KDM4C: variants seen among roughly 807,000 people sequenced by gnomAD.
The protein encoded by KDM4C is lysine-specific demethylase 4C.
A neutral mutation model predicts 129.3 loss-of-function variants in KDM4C; 81 were observed. The observed-to-expected ratio is 0.63, with a 90% confidence interval of 0.52 to 0.75. The LOEUF (loss-of-function observed/expected upper bound fraction) is 0.75. KDM4C is among the 30% of genes least tolerant of loss of function. The pLI, the probability that KDM4C is intolerant of heterozygous loss-of-function variation, is 0.00. For synonymous variants in KDM4C, 573 were observed against 456.1 expected, an observed-to-expected ratio of 1.26 and a Z score of -3.26; for missense variants, 1,457 against 1,304.0, an observed-to-expected ratio of 1.12 and a Z score of -1.81.
At chr9:7,041,006 A>G (rs1575451) in intron 15 of KDM4C, among the ~76,000 whole-genome samples, 15,248 of 150,614 alleles carry the variant, frequency 0.1, 1,014 homozygotes, top group East Asian at 0.18. Flanking sequence ...TAGTACTCCA[A>G]TTATACATAA....
chr9:6,990,630 A>G, intron 12 of KDM4C, 106 bp downstream of exon 12: 1 of 686,284 alleles, frequency 1.5e-6, no homozygotes, highest in South Asian at 1.8e-5. Context: ...CAAGTAGCAA[A>G]TACGTACTAT....
chr9:7,036,028 A>G (rs978327029), intron 15 of KDM4C, among the ~76,000 whole-genome samples: 37 of 152,064 alleles, frequency 2.4e-4, no homozygotes, highest in African/African-American at 8.7e-4. Flanking sequence ...GAAGAGTGTC[A>G]TTGGTGTTTT....
At chr9:6,855,590 C>T (rs1412147813) in intron 5 of KDM4C, among the ~76,000 whole-genome samples, 1 of 151,502 alleles carries the variant, frequency 6.6e-6, no homozygotes, top group East Asian at 1.9e-4. Flanking sequence ...GGATGTCTGT[C>T]TCAGCCTTTC....
intron 5 of KDM4C, among the ~76,000 whole-genome samples, chr9:6,867,013 ATATATT>A (rs775120305): frequency 0.16 from 12,295 of 78,590 alleles, 684 homozygotes; most frequent in South Asian, 0.26. Context: ...ATATATATAT[ATATATT>A]TTTTTTTTTT....
chr9:6,824,763 G>A (rs2131257367), intron 4 of KDM4C, among the ~76,000 whole-genome samples: 1 of 152,046 alleles, frequency 6.6e-6, no homozygotes, highest in Non-Finnish European at 1.5e-5. Context: ...GACAGAAAAA[G>A]AAAAGGTGAC....
intron 4 of KDM4C, among the ~76,000 whole-genome samples, chr9:6,845,934 C>T (rs767443693): frequency 9.9e-5 from 15 of 152,162 alleles, no homozygotes; most frequent in Admixed American, 8.5e-4. Flanking sequence ...TTAAACAGTT[C>T]GGCAGATTCT....
At chr9:6,925,741 G>A (rs1027841065) in intron 8 of KDM4C, 4 of 606,670 alleles carry the variant, frequency 6.6e-6, no homozygotes, top group Non-Finnish European at 8.3e-6. Flanking sequence ...TGACATGTGA[G>A]TTACATAAAC....
intron 18 of KDM4C, among the ~76,000 whole-genome samples, chr9:7,123,693 G>T: frequency 6.6e-6 from 1 of 152,344 alleles, no homozygotes; most frequent in South Asian, 2.1e-4. Flanking sequence ...TGTGGCCAGG[G>T]TCTTAAGAGA....
Position 7,169,829 on chromosome 9 carries a change from T to C in KDM4C, c.2933T>C (p.Met978Thr), listed in dbSNP as rs781699891. The C allele has an allele frequency of 6.2e-7, 1 of 1,610,794 alleles. No individual in the cohort carries two copies. Among genetic ancestry groups the C allele is most frequent in the East Asian group, 2.2e-5 (1 of 44,734 alleles). ...TTTGAAGATGGATCCCAGATAGCAA[T>C]GAAGAGAGAGGACATCTACACTTTA... ...VEFEDGSQIAMKREDIYTLDE... is the reference protein window; with the variant it reads ...VEFEDGSQIATKREDIYTLDE... The change falls in exon 21 of 22, where the codon ATG becomes ACG. Residue 978 changes from methionine (M) to threonine (T), a missense_variant. Physicochemically the swap from Met to Thr is moderately conservative, Grantham distance 81 (BLOSUM62 -1). Transcript: ENST00000381309.
intron 17 of KDM4C, among the ~76,000 whole-genome samples, chr9:7,068,473 TAATG>T: frequency 6.6e-6 from 1 of 152,256 alleles, no homozygotes; most frequent in East Asian, 1.9e-4. Flanking sequence ...AATGTAATAA[TAATG>T]GTTGTAAGCT....
intron 5 of KDM4C, 110 bp downstream of exon 5, chr9:6,849,810 G>T (rs7037261): frequency 2.3e-6 from 2 of 879,770 alleles, no homozygotes; most frequent in Non-Finnish European, 3.5e-6. Flanking sequence ...ATTTATGTGA[G>T]CTGTAAGGAA....
chr9:7,001,537 C>T (rs1029331653), intron 12 of KDM4C, among the ~76,000 whole-genome samples: 1 of 152,148 alleles, frequency 6.6e-6, no homozygotes, highest in African/African-American at 2.4e-5. Context: ...TAGCCTTGTT[C>T]TCTCCTTATT....
intron 17 of KDM4C, among the ~76,000 whole-genome samples, chr9:7,056,168 ACTATT>A (rs1451113603): frequency 8.5e-5 from 13 of 152,190 alleles, no homozygotes; most frequent in African/African-American, 2.4e-4. Context: ...TGAATAGTGA[ACTATT>A]CTAAAGGAGG....
chr9:6,854,487 T>C (rs1200255619), intron 5 of KDM4C, among the ~76,000 whole-genome samples: 2 of 132,150 alleles, frequency 1.5e-5, no homozygotes. Flanking sequence ...ATCGCGCCAT[T>C]GCACTCCAGC....
chr9:7,075,173 TC>T (rs1165799800), intron 17 of KDM4C, among the ~76,000 whole-genome samples: 1 of 152,132 alleles, frequency 6.6e-6, no homozygotes, highest in African/African-American at 2.4e-5. Flanking sequence ...TTGTTCAGCA[TC>T]CCCCAGAACG....
intron 1 of KDM4C, among the ~76,000 whole-genome samples, chr9:6,761,532 C>G (rs1018121534): frequency 6.6e-6 from 1 of 151,912 alleles, no homozygotes; most frequent in Non-Finnish European, 1.5e-5. Flanking sequence ...GGTACCCCGG[C>G]TGGTCTGAAA....
chr9:6,737,969 C>G (rs931854886), intron 1 of KDM4C, among the ~76,000 whole-genome samples: 1 of 149,966 alleles, frequency 6.7e-6, no homozygotes, highest in African/African-American at 2.5e-5. Flanking sequence ...CCCATCTCTA[C>G]TAAAAATACC....
Position 7,013,954 on chromosome 9 carries a change from C to T in KDM4C, c.2135C>T (p.Thr712Ile). 1 of 1,613,976 alleles carries T rather than the reference C, an allele frequency of 6.2e-7. No individual in the cohort carries two copies. Among genetic ancestry groups the T allele is most frequent in the Non-Finnish European group, 8.5e-7 (1 of 1,179,868 alleles). ...AATGCCTTCCTTGAAGAGGATGGAA[C>T]AAGTCTCCTTATTTCCTGTGCAAAG... Reference protein sequence around the residue: ...PPNAFLEEDGTSLLISCAKCC... With the variant: ...PPNAFLEEDGISLLISCAKCC... Residue 712 changes from threonine to isoleucine, a missense_variant, in exon 14 of 22, where the codon ACA becomes ATA. Thr to Ile is a moderately conservative substitution (Grantham distance 89). Transcript: ENST00000381309.
rs774065940 is a variant in KDM4C, at chr9:7,169,863, G to C, written c.2967G>C (p.Glu989Asp). Reference sequence around the variant, plus strand: ...AGGACATCTACACTTTAGATGAAGAGTTACCCAAGAGAGTGAAAGCTCGAT... The same window carrying C: ...AGGACATCTACACTTTAGATGAAGACTTACCCAAGAGAGTGAAAGCTCGAT... ...KREDIYTLDE[E>D]LPKRVKARFS... Residue 989 changes from glutamate (E) to aspartate (D), a missense_variant, in exon 21 of 22, where the codon GAG becomes GAC. Coordinates refer to ENST00000381309, the MANE Select transcript of KDM4C (RefSeq NM_015061.6). 1.2e-6 allele frequency: 2 copies of C among 1,614,018 alleles called. No homozygotes were observed. The highest frequency in any genetic ancestry group is 1.7e-6 in the Non-Finnish European group (2 of 1,179,906).
Sources: gnomAD v4.1 joint callset for allele counts (sites outside exome capture counted in the v4.1 genomes callset) on GRCh38, gnomAD v4.1.1 for gene constraint, MANE v1.5 for transcripts, NCBI Gene and HGNC (gene_info 2026-07-23, HGNC 2026-07-21) for gene names.